The following ST18 variants were observed in gnomAD, a reference collection of about 807,000 sequenced individuals.
ST18 encodes suppression of tumorigenicity 18 protein.
In ST18, 50 loss-of-function variants were observed where a neutral mutation model predicts 110.0. The observed-to-expected ratio is 0.45, with a 90% confidence interval of 0.36 to 0.58. The LOEUF (loss-of-function observed/expected upper bound fraction) is 0.58. Ranked by LOEUF, ST18 falls within the 20% of genes least tolerant of loss-of-function variation. ST18 has a pLI of 0.00. For missense variants in ST18, 1,306 were observed against 1,280.1 expected, an observed-to-expected ratio of 1.02 and a Z score of -0.31; for synonymous variants, 461 against 452.4, an observed-to-expected ratio of 1.02 and a Z score of -0.24.
chr8:52,316,509 C>T (rs2096029618), intron 2 of ST18, among the ~76,000 whole-genome samples: 2 of 152,302 alleles, frequency 1.3e-5, no homozygotes, highest in South Asian at 2.1e-4. Context: ...CACAAGACAA[C>T]TCCACATTCA....
chr8:52,172,437 C>T lies in ST18; in HGVS notation c.424G>A (p.Val142Ile), dbSNP rs1374940299. 4.3e-6 allele frequency: 7 copies of T among 1,613,748 alleles called. No homozygotes were observed. Among genetic ancestry groups the T allele is most frequent in the Non-Finnish European group, 3.4e-6 (4 of 1,180,030 alleles). ...TTTAAATTTTCACTTACAGTCTGAA[C>T]AGATACATTTTTTTCAAATTTCCCC... Reference protein sequence around the residue: ...HLGKFEKNVSVQTVSENLNDS... With the variant: ...HLGKFEKNVSIQTVSENLNDS... The change falls in exon 10 of 26, where the codon GTT becomes ATT. Residue 142 changes from valine (V) to isoleucine (I), a missense_variant. Transcript: ENST00000689386.
rs2094806962 is a variant in ST18, at chr8:52,264,565, C to G, written c.-464-34488G>C. On this transcript the variant is annotated intron_variant, in intron 2 of 25. Transcript: ENST00000689386. ...TTCCTGGTTTTAATCATTTCTGAAA[C>G]TCAAATACATTCCTGCCCTTCCCAT... is the stretch of plus-strand genomic sequence containing the variant. Among the ~76,000 whole-genome samples, 4 of 152,132 alleles carry G rather than the reference C, an allele frequency of 2.6e-5. 1 individual carries two copies. Among genetic ancestry groups the G allele is most frequent in the Admixed American group, 1.3e-4 (2 of 15,280 alleles).
chr8:52,261,513 A>C (rs2138655961), intron 2 of ST18, among the ~76,000 whole-genome samples: 1 of 152,280 alleles, frequency 6.6e-6, no homozygotes, highest in South Asian at 2.1e-4. Context: ...TCAAAATATA[A>C]ACTTTCTCAA....
At chr8:52,244,197 T>C (rs2093664604) in intron 2 of ST18, among the ~76,000 whole-genome samples, 1 of 152,178 alleles carries the variant, frequency 6.6e-6, no homozygotes, top group Admixed American at 6.6e-5. Flanking sequence ...ACACGATTTA[T>C]ACCAAAATAA....
At position 52,399,523 on chromosome 8, in the gene ST18, G is replaced by C. The variant is rs567237908; in HGVS notation, c.-465+9805C>G. Among the ~76,000 whole-genome samples, 13 of 150,928 alleles carry C rather than the reference G, an allele frequency of 8.6e-5. No homozygotes were observed. The South Asian group carries it at 2.7e-3, about 32-fold the overall frequency. ...TTTAGCTCCTTGAGGCATATTGTTA[G>C]GCTATTTATTTGGGATCTTTCTTCT... On this transcript the variant is annotated intron_variant, in intron 2 of 25. Coordinates refer to ENST00000689386, the MANE Select transcript of ST18 (RefSeq NM_001352837.2).
At position 52,142,865 on chromosome 8, in the gene ST18, T is replaced by C. The variant is rs948163988; in HGVS notation, c.2168+65A>G. 4.9e-6 allele frequency: 6 copies of C among 1,233,702 alleles called. No individual in the cohort carries two copies. The African/African-American group carries it at 9.0e-5, about 19-fold the overall frequency. The allele number at this position is 1,233,702 out of a possible 1,614,324, so 76.4% of individuals were successfully genotyped here. ...ACTGTATAAGCCAGGATATTGTAAC[T>C]TTAAGTCATGAACTTGAATCTTCAT... On this transcript the variant is annotated intron_variant, in intron 17 of 25. Coordinates refer to ENST00000689386, the MANE Select transcript of ST18 (RefSeq NM_001352837.2).
chr8:52,231,076 A>C (rs890166048), intron 2 of ST18, among the ~76,000 whole-genome samples: 2 of 152,234 alleles, frequency 1.3e-5, no homozygotes, highest in Admixed American at 6.5e-5. Context: ...TTCACACACA[A>C]AAAAAGTTGG....
intron 8 of ST18, among the ~76,000 whole-genome samples, chr8:52,203,648 A>G (rs907210433): frequency 2.6e-5 from 4 of 152,216 alleles, no homozygotes; most frequent in African/African-American, 9.6e-5. Flanking sequence ...TAGTTTACTT[A>G]AAAGATAGCA....
In ST18 at chr8:52,161,524, G is replaced by T. The variant is rs1456474432; in HGVS notation, c.1445C>A (p.Ala482Asp). 5 of 1,614,206 alleles carry T rather than the reference G, an allele frequency of 3.1e-6. No homozygotes were observed. Among genetic ancestry groups the T allele is most frequent in the Non-Finnish European group, 2.5e-6 (3 of 1,180,036 alleles). Residue 482 changes from alanine (A) to aspartate (D), a missense_variant, in exon 14 of 26, where the codon GCC becomes GAC. Physicochemically the swap from Ala to Asp is moderately radical, Grantham distance 126. Transcript: ENST00000689386. ...CACTGTGGCTCTGGGAGAGGTGATGGCTTGTGACGGGAAATTGAATTCAAT... is the reference window on the plus strand; with the variant it reads ...CACTGTGGCTCTGGGAGAGGTGATGTCTTGTGACGGGAAATTGAATTCAAT... The part of the protein sequence containing the change: ...KQIEFNFPSQ[A>D]ITSPRATVSK...
chr8:52,113,966 T>TTTTG (rs1349424022), intron 25 of ST18, among the ~76,000 whole-genome samples: 9 of 112,352 alleles, frequency 8.0e-5, no homozygotes, highest in Admixed American at 7.7e-4. Context: ...TTTTTTTTTT[T>TTTTG]TTTTTTTTTT....
intron 3 of ST18, among the ~76,000 whole-genome samples, chr8:52,224,612 C>T (rs1042771088): frequency 1.3e-5 from 2 of 152,202 alleles, no homozygotes; most frequent in African/African-American, 2.4e-5. Flanking sequence ...TGGAACCACT[C>T]TGCAGGAAAA....
chr8:52,182,668 G>T (rs187773815), intron 8 of ST18, among the ~76,000 whole-genome samples: 120 of 152,148 alleles, frequency 7.9e-4, no homozygotes, highest in Admixed American at 3.4e-3. Context: ...AATCAAACAG[G>T]CATAAAGTTT....
chr8:52,263,294 C>A (rs181908224), intron 2 of ST18, among the ~76,000 whole-genome samples: 102 of 152,282 alleles, frequency 6.7e-4, no homozygotes, highest in Admixed American at 6.6e-3. Context: ...AGATACTTCA[C>A]GCTTTGCAGA....
At chr8:52,392,980 GTTACT>G (rs1433109195) in intron 2 of ST18, among the ~76,000 whole-genome samples, 1 of 152,186 alleles carries the variant, frequency 6.6e-6, no homozygotes, top group Admixed American at 6.5e-5. Context: ...CTGATCCTTT[GTTACT>G]TGGATGTGGA....
chr8:52,318,169 A>C (rs535875118), intron 2 of ST18, among the ~76,000 whole-genome samples: 18 of 152,316 alleles, frequency 1.2e-4, no homozygotes, highest in African/African-American at 3.6e-4. Flanking sequence ...TAAGCAACTT[A>C]AATTTACAAG....
chr8:52,166,446 C>T (rs778896332), intron 11 of ST18, among the ~76,000 whole-genome samples: 33 of 152,132 alleles, frequency 2.2e-4, no homozygotes, highest in Admixed American at 7.9e-4. Flanking sequence ...CCTATGCCCT[C>T]GAGCCTGCTG....
chr8:52,151,904 A>G (rs988935730), intron 15 of ST18, among the ~76,000 whole-genome samples: 1 of 152,228 alleles, frequency 6.6e-6, no homozygotes, highest in Non-Finnish European at 1.5e-5. Context: ...TATAGTGCAA[A>G]ACCCATAAAT....
intron 2 of ST18, among the ~76,000 whole-genome samples, chr8:52,394,715 G>T (rs1051628353): frequency 4.6e-5 from 7 of 152,316 alleles, no homozygotes; most frequent in African/African-American, 1.7e-4. Context: ...GGGCAACCTA[G>T]CACCTGATAT....
chr8:52,328,868 T>C (rs1416053696), intron 2 of ST18, among the ~76,000 whole-genome samples: 1 of 152,126 alleles, frequency 6.6e-6, no homozygotes, highest in South Asian at 2.1e-4. Flanking sequence ...TTCTGTCTGC[T>C]GGGGGAGGGA....
Sources: allele counts gnomAD v4.1 joint callset (sites outside exome capture counted in the v4.1 genomes callset), GRCh38; gene constraint gnomAD v4.1.1; transcripts MANE v1.5; gene names NCBI Gene and HGNC (gene_info 2026-07-23, HGNC 2026-07-21).